Variants in DOCK7 observed in about 807,000 individuals in gnomAD.
The protein encoded by DOCK7 is dedicator of cytokinesis protein 7.
Under a neutral mutation model 271.0 loss-of-function variants are expected in DOCK7, and 138 were observed. That is an observed-to-expected ratio of 0.51 (90% CI 0.44 to 0.59). The LOEUF (loss-of-function observed/expected upper bound fraction) is 0.59, where lower values mean the gene tolerates loss of function less well. DOCK7 is among the 20% of genes least tolerant of loss of function. DOCK7 has a pLI of 0.00. For synonymous variants in DOCK7, 823 were observed against 876.1 expected (o/e 0.94, Z 1.07); for missense variants, 2,066 against 2,592.4 (o/e 0.80, Z 4.41).
chr1:62,567,648 T>G (rs1297589434), intron 18 of DOCK7, among the ~76,000 whole-genome samples: 1 of 152,098 alleles, frequency 6.6e-6, no homozygotes, highest in Non-Finnish European at 1.5e-5. Context: ...TATATCTATG[T>G]AACAAAACTA....
chr1:62,491,390 A>G (rs1646460595), intron 41 of DOCK7, among the ~76,000 whole-genome samples: 1 of 152,252 alleles, frequency 6.6e-6, no homozygotes, highest in Admixed American at 6.5e-5. Flanking sequence ...CAGAAAAGTC[A>G]GAGGAAGTAA....
chr1:62,663,534 A>G (rs988530752), intron 1 of DOCK7, among the ~76,000 whole-genome samples: 1 of 152,172 alleles, frequency 6.6e-6, no homozygotes, highest in Non-Finnish European at 1.5e-5. Flanking sequence ...TATACACTTT[A>G]AAGTATAAGA....
chr1:62,641,752 G>T, intron 7 of DOCK7: 1 of 309,642 alleles, frequency 3.2e-6, no homozygotes, highest in South Asian at 2.9e-5. Flanking sequence ...AGGCTAAATT[G>T]GGTGTGTTTT....
intron 35 of DOCK7, among the ~76,000 whole-genome samples, chr1:62,506,046 G>A (rs146842337): frequency 6.6e-6 from 1 of 152,014 alleles, no homozygotes; most frequent in Admixed American, 6.6e-5. Flanking sequence ...GAAAAAACAG[G>A]AGTAAGATAC....
chr1:62,534,107 T>A (rs1035458937), intron 29 of DOCK7, among the ~76,000 whole-genome samples: 2 of 152,042 alleles, frequency 1.3e-5, no homozygotes. Context: ...CAAGCAGTTC[T>A]CATGCTCCAG....
intron 37 of DOCK7, among the ~76,000 whole-genome samples, chr1:62,502,289 A>C (rs1241745104): frequency 1.3e-5 from 2 of 152,196 alleles, no homozygotes; most frequent in Non-Finnish European, 2.9e-5. Flanking sequence ...CAATATCCAC[A>C]AGGCAGCCAA....
chr1:62,470,961 A>G (rs1274830992), intron 48 of DOCK7, among the ~76,000 whole-genome samples: 4 of 152,024 alleles, frequency 2.6e-5, no homozygotes, highest in African/African-American at 9.7e-5. Context: ...GCCACTCTTT[A>G]GACAGCAAGA....
intron 2 of DOCK7, 35 bp downstream of exon 2, chr1:62,662,990 C>G (rs747701380): frequency 6.5e-7 from 1 of 1,541,516 alleles, no homozygotes; most frequent in East Asian, 2.3e-5. Context: ...CAATCATACA[C>G]CAAGAAGAGA....
chr1:62,606,315 TAA>T (rs546315183), intron 14 of DOCK7, among the ~76,000 whole-genome samples: 16 of 139,534 alleles, frequency 1.1e-4, no homozygotes, highest in African/African-American at 3.4e-4. Context: ...TTGGTTTCCT[TAA>T]AAAAAAAAAA....
intron 43 of DOCK7, among the ~76,000 whole-genome samples, chr1:62,479,899 G>C (rs1474273288): frequency 2.0e-5 from 3 of 151,964 alleles, no homozygotes; most frequent in South Asian, 2.1e-4. Context: ...TGCCCAGGCT[G>C]GTCTTGAATT....
intron 37 of DOCK7, among the ~76,000 whole-genome samples, chr1:62,502,275 TA>T (rs1428975881): frequency 1.3e-5 from 2 of 152,166 alleles, no homozygotes; most frequent in Non-Finnish European, 2.9e-5. Context: ...GAACCAAACA[TA>T]AACAATATCC....
intron 48 of DOCK7, among the ~76,000 whole-genome samples, chr1:62,471,459 C>T (rs1037685636): frequency 6.6e-6 from 1 of 151,986 alleles, no homozygotes; most frequent in Admixed American, 6.6e-5. Context: ...GCCAAGAGTT[C>T]GAGACCAGCC....
chr1:62,528,065 TACA>T (rs1645065800), intron 31 of DOCK7, 83 bp downstream of exon 31: 26 of 1,359,896 alleles, frequency 1.9e-5, no homozygotes, highest in Non-Finnish European at 2.5e-5. Flanking sequence ...CATCAGCTGA[TACA>T]ATCATCTCAT....
chr1:62,589,919 T>G (rs1241321640), intron 14 of DOCK7, among the ~76,000 whole-genome samples: 2 of 148,342 alleles, frequency 1.3e-5, no homozygotes, highest in Non-Finnish European at 3.0e-5. Context: ...ATTTAATTAC[T>G]CATCTGTGTT....
intron 37 of DOCK7, among the ~76,000 whole-genome samples, chr1:62,498,040 T>C (rs1392072498): frequency 6.6e-6 from 1 of 151,518 alleles, no homozygotes; most frequent in East Asian, 1.9e-4. Flanking sequence ...AGACAGGAGG[T>C]TCACTGAGGC....
At chr1:62,584,813 G>T in intron 15 of DOCK7, 1 of 734,684 alleles carries the variant, frequency 1.4e-6, no homozygotes, top group Non-Finnish European at 2.5e-6. Flanking sequence ...GAAGTGAGAA[G>T]ATGCTATGGT....
chr1:62,675,511 G>A (rs544093819), intron 1 of DOCK7, among the ~76,000 whole-genome samples: 3 of 152,174 alleles, frequency 2.0e-5, no homozygotes, highest in Non-Finnish European at 2.9e-5. Flanking sequence ...GGCCAGACGC[G>A]ATGGCTCACT....
chr1:62,498,584 TA>T (rs1421225816), intron 37 of DOCK7, among the ~76,000 whole-genome samples: 1 of 151,754 alleles, frequency 6.6e-6, no homozygotes, highest in African/African-American at 2.4e-5. Context: ...ATTCATCTGT[TA>T]TTAAATGAAC....
At chr1:62,616,970 G>A (rs751401503) in intron 14 of DOCK7, among the ~76,000 whole-genome samples, 1 of 151,402 alleles carries the variant, frequency 6.6e-6, no homozygotes, top group African/African-American at 2.4e-5. Context: ...TGAGAGTAAA[G>A]GTAAAGATAC....
Sources: allele counts gnomAD v4.1 joint callset (sites outside exome capture counted in the v4.1 genomes callset), GRCh38; gene constraint gnomAD v4.1.1; transcripts MANE v1.5; gene names NCBI Gene and HGNC (gene_info 2026-07-23, HGNC 2026-07-21).